ANO2: variants seen among roughly 807,000 people sequenced by gnomAD.
ANO2 encodes the protein anoctamin 2, also known as anoctamin-2.
Under a neutral mutation model 124.2 loss-of-function variants are expected in ANO2, and 101 were observed. That is an observed-to-expected ratio of 0.81 (90% CI 0.69 to 0.96). ANO2 has a LOEUF of 0.96. Ranked by LOEUF, ANO2 falls within the 40% of genes least tolerant of loss-of-function variation. The pLI is 0.00. For synonymous variants in ANO2, 486 were observed against 482.5 expected (o/e 1.01, Z -0.09); for missense variants, 1,293 against 1,274.5 (o/e 1.01, Z -0.22).
chr12:5,802,882 C>T (rs1244472340), intron 9 of ANO2, among the ~76,000 whole-genome samples: 1 of 152,210 alleles, frequency 6.6e-6, no homozygotes, highest in African/African-American at 2.4e-5. Context: ...CTGCCCCAAG[C>T]CTTTACAGCA....
chr12:5,642,504 T>C (rs1273160047), intron 15 of ANO2, among the ~76,000 whole-genome samples: 3 of 152,142 alleles, frequency 2.0e-5, no homozygotes, highest in Admixed American at 2.0e-4. Context: ...AGAACTAGCA[T>C]CTGAACACTC....
chr12:5,788,311 C>T (rs1952595794), intron 10 of ANO2, among the ~76,000 whole-genome samples: 1 of 152,300 alleles, frequency 6.6e-6, no homozygotes, highest in South Asian at 2.1e-4. Flanking sequence ...TGCTGACCTT[C>T]GGATGGTTTG....
intron 3 of ANO2, among the ~76,000 whole-genome samples, chr12:5,863,980 G>A (rs1955350458): frequency 6.6e-6 from 1 of 152,186 alleles, no homozygotes; most frequent in African/African-American, 2.4e-5. Flanking sequence ...AAACTATGAA[G>A]TGTCTACAAA....
chr12:5,647,901 C>T, intron 14 of ANO2, 100 bp from the exon 15 acceptor site: 1 of 857,584 alleles, frequency 1.2e-6, no homozygotes. Flanking sequence ...ATCATTATCA[C>T]TCTATATAGA....
intron 16 of ANO2, among the ~76,000 whole-genome samples, chr12:5,617,291 G>A (rs1017610266): frequency 4.6e-5 from 7 of 150,968 alleles, no homozygotes; most frequent in Admixed American, 1.3e-4. Context: ...AGATTACATC[G>A]TACCACACTC....
intron 16 of ANO2, among the ~76,000 whole-genome samples, chr12:5,634,213 C>T (rs1032506371): frequency 6.6e-6 from 1 of 152,066 alleles, no homozygotes; most frequent in Non-Finnish European, 1.5e-5. Flanking sequence ...AAGTGCTCAC[C>T]GTGGGTAGTG....
At chr12:5,666,529 T>C (rs1947727188) in intron 14 of ANO2, among the ~76,000 whole-genome samples, 1 of 152,184 alleles carries the variant, frequency 6.6e-6, no homozygotes, top group Non-Finnish European at 1.5e-5. Flanking sequence ...CCATTATTTA[T>C]CTGCTGTGTG....
chr12:5,636,146 G>A lies in ANO2; in HGVS notation c.1621-799C>T, dbSNP rs1207935002. 2.6e-5 allele frequency among the ~76,000 whole-genome samples: 4 copies of A among 152,104 alleles called. 1 individual carries two copies. The highest frequency in any genetic ancestry group is 9.7e-5 in the African/African-American group (4 of 41,412). ...GCTCCAAAAGGAGGGTTATAGCCAC[G>A]TGACCTCTAAGGGTTCCCCTCATTT... On this transcript the variant is annotated intron_variant, in intron 15 of 24. Transcript: ENST00000682330. This position sits in a 1 kb window ranked among gnomAD's most constrained non-coding sequence, Gnocchi z 4.6.
chr12:5,875,540 A>C (rs1045743305), intron 3 of ANO2, among the ~76,000 whole-genome samples: 20 of 152,380 alleles, frequency 1.3e-4, no homozygotes, highest in African/African-American at 4.8e-4. Context: ...GATCAACCAA[A>C]GAAGGCAGCC....
At chr12:5,891,044 C>G (rs968437608) in intron 3 of ANO2, among the ~76,000 whole-genome samples, 1 of 152,204 alleles carries the variant, frequency 6.6e-6, no homozygotes, top group Admixed American at 6.5e-5. Context: ...TGTCCATTTA[C>G]AATCCTGATA....
rs183547604 is a variant in ANO2 at position 5,919,677 on chromosome 12, G to A, written c.534+1363C>T. ...GGTGGGAAGGGTAGGAATGAGTTTG[G>A]GGGAGATGGCAAGGGAAGGTCATTT... On this transcript the variant is annotated intron_variant, in intron 3 of 24. Coordinates refer to ENST00000682330, the MANE Select transcript of ANO2 (RefSeq NM_001364791.2). Among the ~76,000 whole-genome samples, 247 of 150,892 alleles carry A rather than the reference G, an allele frequency of 1.6e-3. 3 individuals carry two copies. The highest frequency in any genetic ancestry group is 5.4e-3 in the African/African-American group (223 of 41,242).
chr12:5,658,423 C>T lies in ANO2; in HGVS notation c.1546-10622G>A, dbSNP rs1466906778. Among the ~76,000 whole-genome samples, 1 of 150,534 alleles carries T rather than the reference C, an allele frequency of 6.6e-6. No homozygotes were observed. The highest frequency in any genetic ancestry group is 1.5e-5 in the Non-Finnish European group (1 of 67,774). ...TCGTCATTGTTATCATCATCATAACCATACCATCAAAATTAACATAATCAT... is the reference window on the plus strand; with the variant it reads ...TCGTCATTGTTATCATCATCATAACTATACCATCAAAATTAACATAATCAT... On this transcript the variant is annotated intron_variant, in intron 14 of 24. Coordinates refer to ENST00000682330, the MANE Select transcript of ANO2 (RefSeq NM_001364791.2). The surrounding 1 kb of genome is among the most constrained non-coding windows in gnomAD (Gnocchi z 4.3).
intron 23 of ANO2, among the ~76,000 whole-genome samples, chr12:5,569,490 GA>G (rs1314944263): frequency 4.6e-5 from 7 of 152,174 alleles, no homozygotes; most frequent in African/African-American, 1.7e-4. Context: ...GAGTTCCCCT[GA>G]GTTTTCTAAT....
intron 4 of ANO2, among the ~76,000 whole-genome samples, chr12:5,850,415 CAAAAAAAA>C (rs11307572): frequency 1.9e-4 from 19 of 100,176 alleles, no homozygotes; most frequent in Non-Finnish European, 3.0e-4. Context: ...CACTCCATCT[CAAAAAAAA>C]AAAAAAAAAA....
At chr12:5,597,882 C>G (rs187938495) in intron 20 of ANO2, among the ~76,000 whole-genome samples, 54 of 152,302 alleles carry the variant, frequency 3.5e-4, no homozygotes, top group Middle Eastern at 3.4e-3. Flanking sequence ...CTTAGCCAAA[C>G]ATGAAAGGCA....
At chr12:5,644,222 T>A (rs1946523183) in intron 15 of ANO2, among the ~76,000 whole-genome samples, 1 of 152,236 alleles carries the variant, frequency 6.6e-6, no homozygotes, top group Non-Finnish European at 1.5e-5. Flanking sequence ...GGCCCAGTTT[T>A]ATTTTCTTCT....
At chr12:5,701,087 AT>A (rs56113538) in intron 14 of ANO2, among the ~76,000 whole-genome samples, 1,207 of 93,538 alleles carry the variant, frequency 0.013, 3 homozygotes, top group Non-Finnish European at 0.018. Flanking sequence ...GTCATTTTCA[AT>A]TTTTTTTTTT....
In ANO2 at chr12:5,744,287, G is replaced by A; in HGVS notation, c.1221C>T (p.Phe407=). The change falls in exon 12 of 25, where the codon TTC becomes TTT. Residue 407 remains phenylalanine (F), a synonymous_variant. Coordinates refer to ENST00000682330, the MANE Select transcript of ANO2 (RefSeq NM_001364791.2). ...SREMCDQQNA[F]TMCPLCDKSC... is the part of the protein sequence containing the mutation. ...ACTTGTCACACAGGGGACACATGGT[G>A]AAGGCATTCTGCTGGTCACACATCT... The A allele has an allele frequency of 6.2e-7, 1 of 1,613,968 alleles. No homozygotes were observed. The highest frequency in any genetic ancestry group is 1.3e-5 in the African/African-American group (1 of 75,056).
At chr12:5,764,974 T>A (rs111608245) in intron 10 of ANO2, among the ~76,000 whole-genome samples, 1,846 of 152,266 alleles carry the variant, frequency 0.012, 18 homozygotes, top group Non-Finnish European at 0.019. Context: ...AATAGGATAT[T>A]GTGAGAGACT....
Sources: allele counts gnomAD v4.1 joint callset (sites outside exome capture counted in the v4.1 genomes callset), GRCh38; gene constraint gnomAD v4.1.1; non-coding constraint Gnocchi (gnomAD v3.1); transcripts MANE v1.5; gene names NCBI Gene and HGNC (gene_info 2026-07-23, HGNC 2026-07-21).